AHRR: variants seen among roughly 807,000 people sequenced by gnomAD.
The protein encoded by AHRR is aryl hydrocarbon receptor repressor.
AHRR carries 28 observed loss-of-function variants against 44.0 expected under a neutral mutation model. That is an observed-to-expected ratio of 0.64 (90% CI 0.47 to 0.87). AHRR has a LOEUF of 0.87. Ranked by LOEUF, AHRR falls within the 40% of genes least tolerant of loss-of-function variation. AHRR has a pLI of 0.00. For synonymous variants in AHRR, 434 were observed against 407.0 expected (o/e 1.07, Z -0.80); for missense variants, 990 against 953.9 (o/e 1.04, Z -0.50).
intron 6 of AHRR, among the ~76,000 whole-genome samples, 156 bp from the exon 7 acceptor site, chr5:423,685 T>C (rs1187205623): frequency 1.3e-5 from 2 of 152,222 alleles, no homozygotes; most frequent in Non-Finnish European, 2.9e-5. Flanking sequence ...AAGGCAAAAT[T>C]TGAGTGACAT....
intron 4 of AHRR, among the ~76,000 whole-genome samples, chr5:382,687 CTCT>C (rs1265261081): frequency 6.6e-6 from 1 of 151,550 alleles, no homozygotes; most frequent in Non-Finnish European, 1.5e-5. Context: ...ATTTAATTTC[CTCT>C]TCTTTTTCTA....
chr5:333,652 T>C (rs545377251), intron 1 of AHRR, among the ~76,000 whole-genome samples: 1 of 152,190 alleles, frequency 6.6e-6, no homozygotes, highest in Non-Finnish European at 1.5e-5. Context: ...AGGTTAATAT[T>C]GGTATGTAAG....
rs1736775986 is a variant in AHRR, at chr5:432,509, C to T, written c.955C>T (p.Pro319Ser). 1 of 1,614,148 alleles carries T rather than the reference C, an allele frequency of 6.2e-7. No individual in the cohort carries two copies. The highest frequency in any genetic ancestry group is 8.5e-7 in the Non-Finnish European group (1 of 1,179,974). Residue 319 changes from proline to serine, a missense_variant, in exon 9 of 11, where the codon CCC becomes TCC. By Grantham distance (74) the Pro-to-Ser change is moderately conservative (BLOSUM62 -1). Transcript: ENST00000684583. ...GTGCGAATCGGAACTGCATGGAAAA[C>T]CCAATTACTCAGCAGGTACTTAGAA... ...SLCESELHGK[P>S]NYSAGRSSRE... is the part of the protein sequence containing the mutation.
chr5:434,032 G>C lies in AHRR; in HGVS notation c.1292G>C (p.Arg431Pro). The C allele has an allele frequency of 6.2e-7, 1 of 1,606,024 alleles. No homozygotes were observed. The highest frequency in any genetic ancestry group is 1.1e-5 in the South Asian group (1 of 89,822). ...CCGCCCTCCCTGCGCCCCATGCCCC[G>C]CGGCTCCTGCCTGCCCTGCCCGTGT... Reference protein sequence around the residue: ...NDPPSLRPMPRGSCLPCPCVQ... With the variant: ...NDPPSLRPMPPGSCLPCPCVQ... The change falls in exon 11 of 11, where the codon CGC (arginine) becomes CCC (proline). Residue 431 changes from arginine (R) to proline (P), a missense_variant. Coordinates refer to ENST00000684583, the MANE Select transcript of AHRR (RefSeq NM_001377236.1).
At chr5:384,448 A>G (rs1734095034) in intron 4 of AHRR, among the ~76,000 whole-genome samples, 1 of 152,082 alleles carries the variant, frequency 6.6e-6, no homozygotes, top group Non-Finnish European at 1.5e-5. Flanking sequence ...TTTGAGATGG[A>G]GTTTTGCTCT....
At chr5:374,055 G>A (rs1299333423) in intron 3 of AHRR, among the ~76,000 whole-genome samples, 1 of 152,138 alleles carries the variant, frequency 6.6e-6, no homozygotes, top group Non-Finnish European at 1.5e-5. Context: ...CATTGCGGGT[G>A]GGACGGGGTC....
At position 370,912 on chromosome 5, in the gene AHRR, G is replaced by A. The variant is rs752595524; in HGVS notation, c.245-5698G>A. On this transcript the variant is annotated intron_variant, in intron 3 of 10. Transcript: ENST00000684583. This position sits in a 1 kb window ranked among gnomAD's most constrained non-coding sequence, Gnocchi z 4.5. ...TGGAGCTCTCGGCCGACCTCGGGCCGGGCTTTACAGGGCATGTCAGTTAGG... is the reference window on the plus strand; with the variant it reads ...TGGAGCTCTCGGCCGACCTCGGGCCAGGCTTTACAGGGCATGTCAGTTAGG... Among the ~76,000 whole-genome samples the A allele has an allele frequency of 4.6e-5, 7 of 151,978 alleles. No homozygotes were observed. Among genetic ancestry groups the A allele is most frequent in the African/African-American group, 1.7e-4 (7 of 41,356 alleles).
intron 4 of AHRR, chr5:404,000 G>A (rs557681542): frequency 2.6e-5 from 26 of 1,012,274 alleles, no homozygotes; most frequent in South Asian, 5.1e-5. Flanking sequence ...ACAGTAATTC[G>A]AACTTGGTGT....
chr5:370,064 A>ATCCTCCCGGGCCCTCGCTGGAAGCCCCG lies in AHRR; in HGVS notation c.245-6497_245-6470dup, dbSNP rs1560895024. 1.3e-4 allele frequency among the ~76,000 whole-genome samples: 18 copies of ATCCTCCCGGGCCCTCGCTGGAAGCCCCG among 136,916 alleles called. 1 individual carries two copies. Among genetic ancestry groups the ATCCTCCCGGGCCCTCGCTGGAAGCCCCG allele is most frequent in the Non-Finnish European group, 2.3e-4 (14 of 61,942 alleles). 89.8% of individuals were successfully genotyped at this position (136,916 alleles called of 152,430 possible). A position where few individuals can be genotyped will look rare whatever the true frequency, so the allele number is the denominator to read the frequency against. ...CCTCCCGGGCTCTTGCTGGTGCCCC[A>ATCCTCCCGGGCCCTCGCTGGAAGCCCCG]TCCTCCCGGGCCCTCGCTGGAAGCC... On this transcript the variant is annotated intron_variant, in intron 3 of 10. Transcript: ENST00000684583. The surrounding 1 kb of genome is among the most constrained non-coding windows in gnomAD (Gnocchi z 4.5).
rs1181572146 is a variant in AHRR at position 405,703 on chromosome 5, C to G, written c.352-7641C>G. ...AGCCTTGTCCCACCGCCTGCGACCA[C>G]CAGCTCCTCCGCTCTCTCCATCGGT... On this transcript the variant is annotated intron_variant, in intron 4 of 10. Coordinates refer to ENST00000684583, the MANE Select transcript of AHRR (RefSeq NM_001377236.1). The surrounding 1 kb of genome is among the most constrained non-coding windows in gnomAD (Gnocchi z 4.5). 2.6e-5 allele frequency among the ~76,000 whole-genome samples: 4 copies of G among 152,252 alleles called. No individual in the cohort carries two copies. The highest frequency in any genetic ancestry group is 5.9e-5 in the Non-Finnish European group (4 of 68,050).
At chr5:396,927 A>G (rs562762600) in intron 4 of AHRR, among the ~76,000 whole-genome samples, 1 of 151,920 alleles carries the variant, frequency 6.6e-6, no homozygotes, top group Admixed American at 6.5e-5. Flanking sequence ...TGGGGCCCAC[A>G]CCGGCCTCTC....
chr5:376,556 G>GTGGGGTGAACGCGGGGAAACAT, intron 3 of AHRR, 54 bp from the exon 4 acceptor site: 1 of 1,434,910 alleles, frequency 7.0e-7, no homozygotes, highest in Non-Finnish European at 9.4e-7. Context: ...GAATGAAGAA[G>GTGGGGTGAACGCGGGGAAACAT]AGTGGCCAGG....
At chr5:417,479 G>A (rs1735880986) in intron 5 of AHRR, among the ~76,000 whole-genome samples, 1 of 152,236 alleles carries the variant, frequency 6.6e-6, no homozygotes, top group Admixed American at 6.5e-5. Flanking sequence ...GTCTAGAGAA[G>A]GCCGCTTGGT....
At chr5:427,600 T>A (rs2126541469) in intron 7 of AHRR, 2 of 1,611,180 alleles carry the variant, frequency 1.2e-6, no homozygotes, top group Non-Finnish European at 1.7e-6. Flanking sequence ...TGGGGGATGG[T>A]TTCAGGATGA....
chr5:385,187 T>A (rs1247571615), intron 4 of AHRR, among the ~76,000 whole-genome samples: 1 of 152,028 alleles, frequency 6.6e-6, no homozygotes, highest in Non-Finnish European at 1.5e-5. Flanking sequence ...TTTTTTTTTT[T>A]CTTTTGAGAC....
intron 5 of AHRR, among the ~76,000 whole-genome samples, chr5:421,957 A>G (rs1469443343): frequency 1.3e-5 from 2 of 152,232 alleles, no homozygotes; most frequent in East Asian, 3.8e-4. Flanking sequence ...TCACCCAGAA[A>G]GAGTCCTAAG....
In AHRR at chr5:379,139, G is replaced by T. The variant is rs1001409931; in HGVS notation, c.351+2423G>T. ...GGATGTCTTCCACACGGAGTCACAC[G>T]CATGGCCTTTGGAGGCCAGCTTCAG... On this transcript the variant is annotated intron_variant, in intron 4 of 10. Transcript: ENST00000684583. Among the ~76,000 whole-genome samples, 10 of 152,198 alleles carry T rather than the reference G, an allele frequency of 6.6e-5. No individual in the cohort carries two copies. The South Asian group carries it at 2.1e-3, about 32-fold the overall frequency.
At chr5:391,324 C>CAGGGCGAGGA (rs1734413338) in intron 4 of AHRR, among the ~76,000 whole-genome samples, 2 of 128,932 alleles carry the variant, frequency 1.6e-5, no homozygotes, top group African/African-American at 5.8e-5. Context: ...AGAGCGTGCA[C>CAGGGCGAGGA]GGGCGCAGGG....
chr5:404,014 T>G lies in AHRR; in HGVS notation c.352-9330T>G, dbSNP rs531709357. 101 of 891,200 alleles carry G rather than the reference T, an allele frequency of 1.1e-4. No individual in the cohort carries two copies. The East Asian group carries it at 2.2e-3, about 19-fold the overall frequency. 55.2% of individuals were successfully genotyped at this position (891,200 alleles called of 1,614,324 possible). A position where few individuals can be genotyped will look rare whatever the true frequency, so the allele number is the denominator to read the frequency against. ...TACAGTAATTCGAACTTGGTGTTTT[T>G]TCTTAATCCACGGCTGAATCTGTTT... On this transcript the variant is annotated intron_variant, in intron 4 of 10. Coordinates refer to ENST00000684583, the MANE Select transcript of AHRR (RefSeq NM_001377236.1). The surrounding 1 kb of genome is among the most constrained non-coding windows in gnomAD (Gnocchi z 4.1).
Sources: gnomAD v4.1 joint callset for allele counts (sites outside exome capture counted in the v4.1 genomes callset) on GRCh38, gnomAD v4.1.1 for gene constraint, Gnocchi (gnomAD v3.1) non-coding constraint, MANE v1.5 for transcripts, NCBI Gene and HGNC (gene_info 2026-07-23, HGNC 2026-07-21) for gene names.